Variants in DNAH5 observed in about 807,000 individuals in gnomAD.
The protein encoded by DNAH5 is dynein axonemal heavy chain 5, also known as axonemal beta dynein heavy chain 5.
A neutral mutation model predicts 518.2 loss-of-function variants in DNAH5; 372 were observed. The ratio of observed to expected loss-of-function variants is 0.72; its 90% CI spans 0.66 to 0.78. The LOEUF (loss-of-function observed/expected upper bound fraction) is 0.78, where lower values mean the gene tolerates loss of function less well. Among genes scored for constraint, DNAH5 ranks in the 30% least tolerant of loss-of-function variants. The pLI is 0.00. For missense variants in DNAH5, 5,523 were observed against 5,687.0 expected, an observed-to-expected ratio of 0.97 and a Z score of 0.93; for synonymous variants, 2,039 against 2,025.9, an observed-to-expected ratio of 1.01 and a Z score of -0.17.
chr5:13,809,307 C>A, intron 45 of DNAH5, 121 bp from the exon 46 acceptor site: 1 of 1,232,022 alleles, frequency 8.1e-7, no homozygotes. Context: ...AAATGAAGAT[C>A]ATTAAAATTA....
chr5:13,845,832 C>CT (rs557275110), intron 31 of DNAH5, among the ~76,000 whole-genome samples: 37,930 of 110,626 alleles, frequency 0.34, 7,862 homozygotes, highest in East Asian at 0.59. Flanking sequence ...CTTTTTTGAC[C>CT]TTTTTTTTTT....
At chr5:13,868,216 G>A (rs141705163) in intron 24 of DNAH5, among the ~76,000 whole-genome samples, 1 of 152,156 alleles carries the variant, frequency 6.6e-6, no homozygotes, top group East Asian at 1.9e-4. Context: ...CTACTTCACA[G>A]GATCTTTGAG....
intron 27 of DNAH5, 44 bp downstream of exon 27, chr5:13,865,624 T>A (rs373150194): frequency 2.1e-5 from 25 of 1,193,198 alleles, no homozygotes; most frequent in Non-Finnish European, 2.9e-5. Flanking sequence ...GAGGAAAGCA[T>A]TTGAAGTTCA....
chr5:13,753,396 G>A lies in DNAH5; in HGVS notation c.10709C>T (p.Ala3570Val), dbSNP rs1018242987. The change falls in exon 63 of 79, where the codon GCT becomes GTT. Residue 3570 changes from alanine to valine, a missense_variant. Around this residue, in one of 3 missense-constraint regions of DNAH5, gnomAD observed 5,121 missense variants for 5,223.3 expected, o/e 0.98. Transcript: ENST00000265104. ...NLNLSEMLIDAPTISEWNLQG... is the reference protein window; with the variant it reads ...NLNLSEMLIDVPTISEWNLQG... ...GAGGTTCCATTCACTAATAGTAGGAGCATCAATCAACATCTCACTGAGATT... is the reference window on the plus strand; with the variant it reads ...GAGGTTCCATTCACTAATAGTAGGAACATCAATCAACATCTCACTGAGATT... The A allele has an allele frequency of 6.2e-7, 1 of 1,614,022 alleles. No individual in the cohort carries two copies. The highest frequency in any genetic ancestry group is 1.7e-5 in the Admixed American group (1 of 60,010).
intron 1 of DNAH5, among the ~76,000 whole-genome samples, chr5:13,959,793 C>T (rs534646968): frequency 6.7e-4 from 102 of 152,266 alleles, no homozygotes; most frequent in African/African-American, 2.2e-3. Flanking sequence ...CATGGTGAAA[C>T]CCCGTCTCTA....
chr5:13,858,077 C>T (rs912960987), intron 30 of DNAH5, among the ~76,000 whole-genome samples: 8 of 152,124 alleles, frequency 5.3e-5, no homozygotes, highest in Non-Finnish European at 5.9e-5. Context: ...TGTATATACC[C>T]AAAGGACTAT....
intron 40 of DNAH5, among the ~76,000 whole-genome samples, chr5:13,820,754 G>A (rs1414895031): frequency 6.6e-6 from 1 of 150,674 alleles, no homozygotes; most frequent in Non-Finnish European, 1.5e-5. Flanking sequence ...GAACCTGGGA[G>A]GCAGAGGTTG....
intron 40 of DNAH5, among the ~76,000 whole-genome samples, chr5:13,822,648 T>G (rs557014770): frequency 1.4e-4 from 21 of 152,254 alleles, no homozygotes; most frequent in Admixed American, 3.9e-4. Context: ...TTCCAAACTC[T>G]TCTTCATAGA....
At chr5:13,834,178 C>A (rs116608861) in intron 35 of DNAH5, among the ~76,000 whole-genome samples, 2,015 of 152,096 alleles carry the variant, frequency 0.013, 48 homozygotes, top group African/African-American at 0.043. Context: ...CTTCAGAATC[C>A]CTTTACTTAC....
intron 56 of DNAH5, 66 bp downstream of exon 56, chr5:13,770,683 G>T: frequency 6.9e-7 from 1 of 1,447,106 alleles, no homozygotes. Flanking sequence ...TAGCCACCAG[G>T]GCAAATCTGT....
At chr5:13,941,389 A>G (rs1473063954) in intron 1 of DNAH5, among the ~76,000 whole-genome samples, 3 of 152,036 alleles carry the variant, frequency 2.0e-5, no homozygotes, top group Non-Finnish European at 4.4e-5. Context: ...AATAGACAGT[A>G]CCTCTCTCTT....
At position 13,862,627 on chromosome 5, in the gene DNAH5, A is replaced by G. The variant is rs773932905; in HGVS notation, c.4717T>C (p.Leu1573=). ...GSFKTRGELL[L]RGDSTSEIIA... is the part of the protein sequence containing the mutation. The stretch of plus-strand genomic sequence containing the variant: ...ATTTCCGAGGTACTGTCTCCTCTCA[A>G]GAGGAGCTCTCCACGGGTTTTAAAG... Residue 1573 remains leucine, a synonymous_variant, in exon 29 of 79, where the codon TTG becomes CTG. Coordinates refer to ENST00000265104, the MANE Select transcript of DNAH5 (RefSeq NM_001369.3). 2.5e-6 allele frequency: 4 copies of G among 1,613,876 alleles called. No individual in the cohort carries two copies. In the African/African-American group the frequency reaches 4.0e-5, roughly 16 times the overall value.
intron 38 of DNAH5, among the ~76,000 whole-genome samples, chr5:13,828,596 A>G (rs1763228757): frequency 6.6e-6 from 1 of 152,140 alleles, no homozygotes; most frequent in Non-Finnish European, 1.5e-5. Flanking sequence ...AGACTGTAGC[A>G]CTCGTTTTGC....
At position 13,792,174 on chromosome 5, in the gene DNAH5, T is replaced by C. The variant is rs775185371; in HGVS notation, c.8268A>G (p.Ser2756=). Residue 2756 remains serine, a synonymous_variant, in exon 50 of 79, where the codon TCA becomes TCG. Coordinates refer to ENST00000265104, the MANE Select transcript of DNAH5 (RefSeq NM_001369.3). The part of the protein sequence containing the change: ...VGHYCTQRGF[S]EEVRDSVTKL... ...TTGTCACAGAATCTCTCACTTCTTCTGAGAAACCCCTCTGAGTACAGTAGT... is the reference window on the plus strand; with the variant it reads ...TTGTCACAGAATCTCTCACTTCTTCCGAGAAACCCCTCTGAGTACAGTAGT... The C allele has an allele frequency of 1.9e-6, 3 of 1,613,924 alleles. No individual in the cohort carries two copies. The highest frequency in any genetic ancestry group is 2.2e-5 in the East Asian group (1 of 44,898).
chr5:13,954,097 A>G (rs1439382904), intron 1 of DNAH5, among the ~76,000 whole-genome samples: 1 of 152,250 alleles, frequency 6.6e-6, no homozygotes, highest in Admixed American at 6.5e-5. Context: ...TAAGAAAAGT[A>G]AGTCCATATT....
chr5:13,710,222 T>C (rs1743311039), intron 75 of DNAH5, among the ~76,000 whole-genome samples: 1 of 152,012 alleles, frequency 6.6e-6, no homozygotes, highest in Non-Finnish European at 1.5e-5. Flanking sequence ...CAACAATCAC[T>C]GCAGCTCGGC....
intron 47 of DNAH5, among the ~76,000 whole-genome samples, chr5:13,803,942 G>C (rs1037280714): frequency 1.3e-5 from 2 of 152,142 alleles, no homozygotes; most frequent in African/African-American, 4.8e-5. Flanking sequence ...CTATTGCTAT[G>C]CAACCATTTG....
chr5:13,761,238 C>A (rs1299664916), intron 60 of DNAH5, among the ~76,000 whole-genome samples: 8 of 152,290 alleles, frequency 5.3e-5, no homozygotes, highest in Admixed American at 1.3e-4. Context: ...CAGCTATGTA[C>A]TTAAAATGAC....
At chr5:13,807,546 T>C in intron 47 of DNAH5, 45 bp downstream of exon 47, 1 of 1,599,214 alleles carries the variant, frequency 6.3e-7, no homozygotes, top group Non-Finnish European at 8.6e-7. Context: ...CCTCCAAAGT[T>C]TATCACAAAA....
Sources: allele counts gnomAD v4.1 joint callset (sites outside exome capture counted in the v4.1 genomes callset), GRCh38; gene constraint gnomAD v4.1.1; regional missense constraint gnomAD v4.1.1; transcripts MANE v1.5; gene names NCBI Gene and HGNC (gene_info 2026-07-23, HGNC 2026-07-21).